PRKCH: variants seen among roughly 807,000 people sequenced by gnomAD.
The protein encoded by PRKCH is protein kinase C eta, also known as protein kinase C eta type.
PRKCH carries 28 observed loss-of-function variants against 82.5 expected under a neutral mutation model. The ratio of observed to expected loss-of-function variants is 0.34; its 90% CI spans 0.25 to 0.47. The LOEUF is 0.47. PRKCH is among the 20% of genes least tolerant of loss of function. The pLI, the probability that PRKCH is intolerant of heterozygous loss-of-function variation, is 1.00. For synonymous variants in PRKCH, 322 were observed against 327.4 expected, an observed-to-expected ratio of 0.98 and a Z score of 0.18; for missense variants, 705 against 881.8, an observed-to-expected ratio of 0.80 and a Z score of 2.54.
chr14:61,375,492 T>G (rs1159729877), intron 1 of PRKCH, among the ~76,000 whole-genome samples: 1 of 152,012 alleles, frequency 6.6e-6, no homozygotes, highest in Non-Finnish European at 1.5e-5. Context: ...TACGTGAGAC[T>G]GGGTAATTCA....
intron 10 of PRKCH, among the ~76,000 whole-genome samples, chr14:61,501,318 A>G (rs1886896039): frequency 6.6e-6 from 1 of 152,196 alleles, no homozygotes; most frequent in African/African-American, 2.4e-5. Context: ...TTATACCCGT[A>G]CTGTGGAATA....
At chr14:61,539,661 G>A (rs189355599) in intron 12 of PRKCH, among the ~76,000 whole-genome samples, 1 of 151,722 alleles carries the variant, frequency 6.6e-6, no homozygotes, top group Admixed American at 6.6e-5. Context: ...GGAAAACAAA[G>A]CATCTGTAGC....
At chr14:61,340,391 G>A (rs1012112516) in intron 1 of PRKCH, among the ~76,000 whole-genome samples, 6 of 139,516 alleles carry the variant, frequency 4.3e-5, no homozygotes, top group South Asian at 2.6e-4. Flanking sequence ...GGTGGGGGGC[G>A]GGGGTGGGTG....
chr14:61,299,461 C>T (rs1179453343), intron 1 of PRKCH, among the ~76,000 whole-genome samples: 1 of 114,176 alleles, frequency 8.8e-6, no homozygotes, highest in Non-Finnish European at 2.0e-5. Flanking sequence ...CGGGAAGCTG[C>T]GGATCACAAC....
At chr14:61,511,178 C>T (rs1377748959) in intron 10 of PRKCH, among the ~76,000 whole-genome samples, 2 of 152,168 alleles carry the variant, frequency 1.3e-5, no homozygotes, top group Non-Finnish European at 2.9e-5. Flanking sequence ...TTCACATAGC[C>T]GGTGAGTTTT....
intron 2 of PRKCH, among the ~76,000 whole-genome samples, chr14:61,426,067 A>G (rs763772365): frequency 1.3e-5 from 2 of 152,170 alleles, no homozygotes; most frequent in Non-Finnish European, 2.9e-5. Flanking sequence ...TCTTTTCTTT[A>G]TAAATTACCC....
intron 9 of PRKCH, among the ~76,000 whole-genome samples, chr14:61,480,599 A>T (rs1181304017): frequency 6.6e-6 from 1 of 152,126 alleles, no homozygotes; most frequent in African/African-American, 2.4e-5. Flanking sequence ...ACATTACTGG[A>T]GTCTTTTTCA....
chr14:61,497,676 A>G (rs949790974), intron 10 of PRKCH, among the ~76,000 whole-genome samples: 28 of 152,146 alleles, frequency 1.8e-4, no homozygotes, highest in African/African-American at 5.8e-4. Flanking sequence ...TTCTGTGTTG[A>G]TATTATAGGC....
chr14:61,470,968 C>T (rs565701454), intron 9 of PRKCH, among the ~76,000 whole-genome samples: 1 of 152,208 alleles, frequency 6.6e-6, no homozygotes, highest in African/African-American at 2.4e-5. Flanking sequence ...ACAGACTCCA[C>T]GGTTTTCTCT....
chr14:61,507,065 A>G (rs774917985), intron 10 of PRKCH, among the ~76,000 whole-genome samples: 1 of 152,214 alleles, frequency 6.6e-6, no homozygotes, highest in Non-Finnish European at 1.5e-5. Flanking sequence ...TCCAAAGCAT[A>G]TAAGCAACTT....
chr14:61,290,744 C>T (rs567367819), intron 1 of PRKCH, among the ~76,000 whole-genome samples: 1 of 152,170 alleles, frequency 6.6e-6, no homozygotes, highest in South Asian at 2.1e-4. Flanking sequence ...TCCCAAAGTT[C>T]AGTAGTTAAG....
At chr14:61,409,339 C>T (rs540632617) in intron 2 of PRKCH, among the ~76,000 whole-genome samples, 1 of 152,158 alleles carries the variant, frequency 6.6e-6, no homozygotes, top group East Asian at 1.9e-4. Context: ...GAAACTCATC[C>T]CCTACTCTGG....
intron 1 of PRKCH, among the ~76,000 whole-genome samples, chr14:61,370,470 C>T (rs1374696301): frequency 6.6e-6 from 1 of 151,958 alleles, no homozygotes; most frequent in Non-Finnish European, 1.5e-5. Flanking sequence ...AATTCTGACC[C>T]ACGAGAGGTG....
chr14:61,493,351 ATC>A (rs1886536094), intron 10 of PRKCH, among the ~76,000 whole-genome samples: 1 of 152,204 alleles, frequency 6.6e-6, no homozygotes, highest in Non-Finnish European at 1.5e-5. Flanking sequence ...TCTAGGAATC[ATC>A]TCTCTATTCC....
chr14:61,438,380 C>T (rs989849068), intron 2 of PRKCH, among the ~76,000 whole-genome samples: 3 of 152,158 alleles, frequency 2.0e-5, no homozygotes, highest in Non-Finnish European at 2.9e-5. Context: ...GTGCATTTTA[C>T]GCCAGTAATT....
intron 9 of PRKCH, among the ~76,000 whole-genome samples, chr14:61,463,752 A>G (rs1232451594): frequency 6.6e-6 from 1 of 152,226 alleles, no homozygotes; most frequent in Non-Finnish European, 1.5e-5. Context: ...AGCCTCTGGT[A>G]ACCACTATTC....
intron 12 of PRKCH, chr14:61,544,123 C>G (rs2043223397): frequency 6.6e-6 from 1 of 152,218 alleles, no homozygotes; most frequent in Non-Finnish European, 1.5e-5. Flanking sequence ...AGCTGCCACT[C>G]TGGCTGCTTC....
At chr14:61,188,417 CGGCTCT>C (rs1339717708) in intron 1 of PRKCH, among the ~76,000 whole-genome samples, 1 of 150,612 alleles carries the variant, frequency 6.6e-6, no homozygotes, top group African/African-American at 2.5e-5. Context: ...GTTCTGGCTC[CGGCTCT>C]GGCTCCGGCT....
At position 61,262,844 on chromosome 14, in the gene PRKCH, TATGA is replaced by T. The variant is rs201995730; in HGVS notation, c.-19+75180_-19+75183del. Among the ~76,000 whole-genome samples the T allele has an allele frequency of 7.9e-3, 1,199 of 152,256 alleles. 16 individuals carry two copies. Among genetic ancestry groups the T allele is most frequent in the African/African-American group, 0.028 (1,157 of 41,542 alleles). On this transcript the variant is annotated intron_variant, in intron 1 of 3. Transcript: ENST00000555185. ...CAAATTAATTAAGGATAAGGATACA[TATGA>T]ATGTATGTAGAAATACCCAGCCATT...
Sources: allele counts gnomAD v4.1 joint callset (sites outside exome capture counted in the v4.1 genomes callset), GRCh38; gene constraint gnomAD v4.1.1; transcripts MANE v1.5; gene names NCBI Gene and HGNC (gene_info 2026-07-23, HGNC 2026-07-21).